KCP: variants seen among roughly 807,000 people sequenced by gnomAD.
KCP encodes the protein kielin cysteine rich BMP regulator.
A neutral mutation model predicts 212.7 loss-of-function variants in KCP; 194 were observed. The ratio of observed to expected loss-of-function variants is 0.91; its 90% CI spans 0.81 to 1.03. KCP has a LOEUF of 1.03. Among genes scored for constraint, KCP ranks in the 50% least tolerant of loss-of-function variants. The pLI is 0.00. For missense variants in KCP, 2,080 were observed against 2,162.5 expected (o/e 0.96, Z 0.76); for synonymous variants, 833 against 865.3 (o/e 0.96, Z 0.65).
chr7:128,908,579 C>A lies in KCP; in HGVS notation c.77-11G>T. On this transcript the variant is annotated splice_polypyrimidine_tract_variant and intron_variant, in intron 1 of 39. Coordinates refer to ENST00000610776, the MANE Select transcript of KCP (RefSeq NM_001366122.1). ...TGGGGACAGCCCCACCTGAAGGGCA[C>A]AAGAATCCCATGTGGGCCTGAGGGT... The A allele has an allele frequency of 6.5e-7, 1 of 1,548,044 alleles. No homozygotes were observed. The highest frequency in any genetic ancestry group is 1.4e-5 in the African/African-American group (1 of 73,076).
chr7:128,878,642 G>A lies in KCP; in HGVS notation c.4227C>T (p.Asn1409=). The change falls in exon 38 of 40, where the codon AAC becomes AAT. Residue 1409 remains asparagine, a synonymous_variant. Transcript: ENST00000610776. ...YQGRTCGLCG[N]FNGFAQDDLQ... ...GATCGTCCTGGGCAAAGCCATTGAA[G>A]TTCCCACAGAGCCCACAAGTCCGGC... The A allele has an allele frequency of 1.3e-6, 2 of 1,551,394 alleles. No individual in the cohort carries two copies. The highest frequency in any genetic ancestry group is 1.7e-6 in the Non-Finnish European group (2 of 1,147,004).
intron 22 of KCP, among the ~76,000 whole-genome samples, chr7:128,888,195 TACAC>T (rs527971717): frequency 1.7e-3 from 185 of 107,212 alleles, no homozygotes; most frequent in Middle Eastern, 8.1e-3. Context: ...CAGTCACACA[TACAC>T]ACACAGATAC....
intron 5 of KCP, among the ~76,000 whole-genome samples, chr7:128,904,621 G>T (rs1195044991): frequency 6.6e-6 from 1 of 152,238 alleles, no homozygotes; most frequent in Non-Finnish European, 1.5e-5. Flanking sequence ...GCAGGGATGT[G>T]GGTGGTGGCT....
At position 128,883,119 on chromosome 7, in the gene KCP, TA is replaced by T. The variant is rs201917167; in HGVS notation, c.3244+882del. Among the ~76,000 whole-genome samples the T allele has an allele frequency of 3.6e-3, 528 of 144,850 alleles. 2 individuals are homozygous for T. Among genetic ancestry groups the T allele is most frequent in the African/African-American group, 0.012 (479 of 39,842 alleles). Reference sequence around the variant, plus strand: ...AAATTGGAGAAAATAGGATTATCATTAAAAAAAAAAGTATGTTTTTTCTTTC... The same window carrying T: ...AAATTGGAGAAAATAGGATTATCATTAAAAAAAAAGTATGTTTTTTCTTTC... On this transcript the variant is annotated intron_variant, in intron 29 of 39. Transcript: ENST00000610776.
At chr7:128,899,872 A>ATGTAAGGAATCATTATTCCTTAAGG in intron 8 of KCP, among the ~76,000 whole-genome samples, 1 of 151,890 alleles carries the variant, frequency 6.6e-6, no homozygotes, top group African/African-American at 2.4e-5. Context: ...TTAAGGAATC[A>ATGTAAGGAATCATTATTCCTTAAGG]AATTTGACTT....
chr7:128,891,048 CG>C lies in KCP; in HGVS notation c.2020del (p.Arg674AlafsTer80). ...GGGCGGGGAGAAGTACTCCTGGTGG[CG>C]GGCGTGGGCCGCGCCGGGCCGTGGG... ...GCPRPGAAHARHQEYFSPPGD... is the reference protein window; with the variant it reads ...GCPRPGAAHAXHQEYFSPPGD... On this transcript the variant is annotated frameshift_variant, in exon 20 of 40. Coordinates refer to ENST00000610776, the MANE Select transcript of KCP (RefSeq NM_001366122.1). LOFTEE classifies it high-confidence loss of function. The C allele has an allele frequency of 3.6e-6, 5 of 1,374,076 alleles. No individual in the cohort carries two copies. Among genetic ancestry groups the C allele is most frequent in the Non-Finnish European group, 4.7e-6 (5 of 1,070,060 alleles). 85.1% of individuals were successfully genotyped at this position (1,374,076 alleles called of 1,614,324 possible).
rs984280776 is a variant in KCP, at chr7:128,880,429, A to G, written c.3716T>C (p.Val1239Ala). 1 of 1,545,768 alleles carries G rather than the reference A, an allele frequency of 6.5e-7. No individual in the cohort carries two copies. The change falls in exon 34 of 40, where the codon GTG (valine) becomes GCG (alanine). Residue 1239 changes from valine to alanine, a missense_variant. Coordinates refer to ENST00000610776, the MANE Select transcript of KCP (RefSeq NM_001366122.1). ...TGAGCAGCGCTGGCTCTGGCAACGC[A>G]CGGTGCCCGCCATGCAGGAGCAGCT... ...CTSCSCMAGT[V>A]RCQSQRCSPL... is the part of the protein sequence containing the mutation.
chr7:128,884,739 C>A lies in KCP; in HGVS notation c.3123+42G>T, dbSNP rs548492998. The stretch of plus-strand genomic sequence containing the variant: ...CCTCATCCCATGCTGCCCACTCCCC[C>A]CCGACGAGGTGCCCCAGCCCCACCA... On this transcript the variant is annotated intron_variant, in intron 28 of 39. Transcript: ENST00000610776. 1.2e-5 allele frequency: 18 copies of A among 1,535,168 alleles called. No homozygotes were observed. In the African/African-American group the frequency reaches 1.2e-4, roughly 11 times the overall value.
At position 128,891,510 on chromosome 7, in the gene KCP, A is replaced by G. The variant is rs1172358157; in HGVS notation, c.1819T>C (p.Tyr607His). The change falls in exon 18 of 40, where the codon TAC becomes CAC. Residue 607 changes from tyrosine (Y) to histidine (H), a missense_variant. Physicochemically the swap from Tyr to His is moderately conservative, Grantham distance 83. Coordinates refer to ENST00000610776, the MANE Select transcript of KCP (RefSeq NM_001366122.1). ...TGGGGGAAGTCCGCTCCGCTGGGGT[A>G]CTCTTTCCCGCCAAAGGCACAGCCT... ...CSGCAFGGKE[Y>H]PSGADFPHPS... 1.3e-6 allele frequency: 2 copies of G among 1,549,562 alleles called. No individual in the cohort carries two copies. Among genetic ancestry groups the G allele is most frequent in the South Asian group, 2.4e-5 (2 of 84,034 alleles).
rs183048619 is a variant in KCP, at chr7:128,880,128, G to A, written c.3760-43C>T. On this transcript the variant is annotated intron_variant, in intron 34 of 39. Transcript: ENST00000610776. Reference sequence around the variant, plus strand: ...CACTGTCAGACACACCGCCCTCCCCGCCATGCCTCTCGCAGACCCTCCCAG... The same window carrying A: ...CACTGTCAGACACACCGCCCTCCCCACCATGCCTCTCGCAGACCCTCCCAG... 2.4e-3 allele frequency: 3,499 copies of A among 1,479,508 alleles called. 11 individuals carry two copies. Among genetic ancestry groups the A allele is most frequent in the Non-Finnish European group, 2.7e-3 (3,013 of 1,107,904 alleles). The allele number at this position is 1,479,508 out of a possible 1,614,324, so 91.6% of individuals were successfully genotyped here. A position where few individuals can be genotyped will look rare whatever the true frequency, so the allele number is the denominator to read the frequency against.
chr7:128,879,125 T>G, intron 37 of KCP: 1 of 340,576 alleles, frequency 2.9e-6, no homozygotes, highest in South Asian at 5.3e-5. Flanking sequence ...ACGAGTTGTG[T>G]TTCCTGCTGG....
intron 11 of KCP, 84 bp from the exon 12 acceptor site, chr7:128,893,560 C>T: frequency 8.7e-7 from 1 of 1,148,034 alleles, no homozygotes; most frequent in South Asian, 1.4e-5. Context: ...CCAACCCCCA[C>T]CCTGACAAAG....
Position 128,886,897 on chromosome 7 carries a change from AGGGGCCTGGAGAGGGGT to A in KCP, c.2651_2667del (p.His884LeufsTer23). 7.2e-7 allele frequency: 1 copy of A among 1,391,134 alleles called. No individual in the cohort carries two copies. Among genetic ancestry groups the A allele is most frequent in the Non-Finnish European group, 9.8e-7 (1 of 1,015,726 alleles). 86.2% of individuals were successfully genotyped at this position (1,391,134 alleles called of 1,614,324 possible). On this transcript the variant is annotated frameshift_variant, in exon 24 of 40. Transcript: ENST00000610776. LOFTEE classifies it high-confidence loss of function. ...TCACTGTGGCAAACAGGGCAGAAGC[AGGGGCCTGGAGAGGGGT>A]GGGGGCAGAGAGCTGGGGGACATGG...
In KCP at chr7:128,879,627, G is replaced by C. The variant is rs1354789724; in HGVS notation, c.4045-4C>G. The C allele has an allele frequency of 6.5e-6, 10 of 1,550,122 alleles. No homozygotes were observed. The Admixed American group carries it at 2.0e-4, about 30-fold the overall frequency. ...AGGCCACCGGGTGCCCATCCACCTG[G>C]AGGATAAAGGAGGTGGGAGGAGGGG... On this transcript the variant is annotated splice_region_variant and splice_polypyrimidine_tract_variant and intron_variant, in intron 36 of 39. Coordinates refer to ENST00000610776, the MANE Select transcript of KCP (RefSeq NM_001366122.1).
chr7:128,879,193 C>T (rs373355068), intron 37 of KCP: 2 of 412,176 alleles, frequency 4.9e-6, no homozygotes, highest in East Asian at 4.3e-5. Context: ...AGACACCCCC[C>T]CAGGAGACTT....
At chr7:128,885,544 G>A (rs562750022) in intron 26 of KCP, among the ~76,000 whole-genome samples, 6 of 152,268 alleles carry the variant, frequency 3.9e-5, no homozygotes, top group South Asian at 2.1e-4. Context: ...AGCCCGCACC[G>A]GCCACAGACC....
At chr7:128,885,054 G>T (rs775519081) in intron 27 of KCP, 43 bp downstream of exon 27, 1 of 1,549,318 alleles carries the variant, frequency 6.5e-7, no homozygotes, top group African/African-American at 1.4e-5. Flanking sequence ...TGGGCCCAGG[G>T]CTCCCTCCTC....
chr7:128,881,935 AC>A lies in KCP; in HGVS notation c.3324+1del, dbSNP rs1278445085. The A allele has an allele frequency of 1.3e-6, 2 of 1,551,024 alleles. No individual in the cohort carries two copies. Among genetic ancestry groups the A allele is most frequent in the African/African-American group, 2.7e-5 (2 of 72,994 alleles). The stretch of plus-strand genomic sequence containing the variant: ...GTGAGTCCCCAAGGCAGGAGGGCTC[AC>A]CTGGCACTGGCACGTGTAGCAGGGG... On this transcript the variant is annotated splice_donor_variant, in intron 30 of 39. Coordinates refer to ENST00000610776, the MANE Select transcript of KCP (RefSeq NM_001366122.1). LOFTEE classifies it high-confidence loss of function.
chr7:128,886,687 G>A lies in KCP; in HGVS notation c.2740C>T (p.Pro914Ser), dbSNP rs374120105. 8.5e-5 allele frequency: 132 copies of A among 1,551,532 alleles called. No homozygotes were observed. The highest frequency in any genetic ancestry group is 1.1e-4 in the Non-Finnish European group (127 of 1,146,964). Residue 914 changes from proline (P) to serine (S), a missense_variant, in exon 25 of 40, where the codon CCA becomes TCA. Transcript: ENST00000610776. ...EHQDGEEFEG[P>S]AGSCEWCRCQ... is the part of the protein sequence containing the mutation. ...CGACACCACTCACAGCTGCCTGCTG[G>A]TCCCTCAAACTCCTCCCCATCCTGG... is the stretch of plus-strand genomic sequence containing the variant.
Sources: allele counts gnomAD v4.1 joint callset (sites outside exome capture counted in the v4.1 genomes callset), GRCh38; gene constraint gnomAD v4.1.1; transcripts MANE v1.5; gene names NCBI Gene and HGNC (gene_info 2026-07-23, HGNC 2026-07-21).